POLE: variants seen among roughly 807,000 people sequenced by gnomAD.
POLE encodes the protein DNA polymerase epsilon catalytic subunit A.
POLE carries 188 observed loss-of-function variants against 279.2 expected under a neutral mutation model. The ratio of observed to expected loss-of-function variants is 0.67; its 90% CI spans 0.60 to 0.76. The LOEUF (loss-of-function observed/expected upper bound fraction) is 0.76, where lower values mean the gene tolerates loss of function less well. Ranked by LOEUF, POLE falls within the 30% of genes least tolerant of loss-of-function variation. The pLI is 0.00. For synonymous variants in POLE, 1,214 were observed against 1,172.5 expected, an observed-to-expected ratio of 1.04 and a Z score of -0.72; for missense variants, 2,703 against 3,016.7, an observed-to-expected ratio of 0.90 and a Z score of 2.44.
chr12:132,661,391 G>T lies in POLE; in HGVS notation c.2864+136C>A. 9.4e-7 allele frequency: 1 copy of T among 1,064,110 alleles called. No homozygotes were observed. The highest frequency in any genetic ancestry group is 1.4e-6 in the Non-Finnish European group (1 of 729,960). 65.9% of individuals were successfully genotyped at this position (1,064,110 alleles called of 1,614,324 possible). The stretch of plus-strand genomic sequence containing the variant: ...CAGCAGGCGGGCAGACAGAGCTGGT[G>T]CAAACGGAATCAGTAAGATCACAAG... On this transcript the variant is annotated intron_variant, in intron 24 of 48. Transcript: ENST00000320574. The surrounding 1 kb of genome is among the most constrained non-coding windows in gnomAD (Gnocchi z 4.1).
intron 6 of POLE, among the ~76,000 whole-genome samples, chr12:132,677,930 C>T (rs1294556856): frequency 2.6e-5 from 4 of 152,138 alleles, no homozygotes; most frequent in Non-Finnish European, 5.9e-5. Flanking sequence ...GTAATCCCAG[C>T]ACTTTGGGAG....
At chr12:132,672,373 G>A (rs1197140740) in intron 15 of POLE, 51 bp from the exon 16 acceptor site, 1 of 1,445,950 alleles carries the variant, frequency 6.9e-7, no homozygotes, top group East Asian at 2.3e-5. Context: ...ACCCACACTA[G>A]CCTGCCTCAG....
In POLE at chr12:132,639,199, C is replaced by A. The variant is rs537648186; in HGVS notation, c.5478G>T (p.Arg1826=). ...NQVMHFYRWL[R]SPSSLLHDPA... ...GGTCATGAAGCAGAGAGGATGGCGA[C>A]CGAAGCCAGCGGTAGAAGTGCATCA... Residue 1826 remains arginine (R), a synonymous_variant, in exon 40 of 49, where the codon CGG becomes CGT. Coordinates refer to ENST00000320574, the MANE Select transcript of POLE (RefSeq NM_006231.4). This position sits in a 1 kb window ranked among gnomAD's most constrained non-coding sequence, Gnocchi z 4.7. The A allele has an allele frequency of 5.0e-4, 806 of 1,614,062 alleles. 15 individuals carry two copies. In the South Asian group the frequency reaches 8.3e-3, roughly 17 times the overall value.
At chr12:132,648,894 A>G (rs2138595262) in intron 32 of POLE, 35 bp downstream of exon 32, 1 of 1,588,892 alleles carries the variant, frequency 6.3e-7, no homozygotes, top group Non-Finnish European at 8.6e-7. Flanking sequence ...CAGGCTGCCC[A>G]GATGACTGCA....
Position 132,637,668 on chromosome 12 carries a change from G to A in POLE, c.5678+346C>T, listed in dbSNP as rs556092231. Among the ~76,000 whole-genome samples, 6 of 152,308 alleles carry A rather than the reference G, an allele frequency of 3.9e-5. No homozygotes were observed. The South Asian group carries it at 8.3e-4, about 21-fold the overall frequency. ...TGACGTCTATGAAAAGGCTTACAAC[G>A]TCAACACTTACGGGGTGCATATATT... On this transcript the variant is annotated intron_variant, in intron 41 of 48. Coordinates refer to ENST00000320574, the MANE Select transcript of POLE (RefSeq NM_006231.4).
At position 132,677,436 on chromosome 12, in the gene POLE, C is replaced by T. The variant is rs1269984684; in HGVS notation, c.728G>A (p.Trp243Ter). The stretch of plus-strand genomic sequence containing the variant: ...ATTTCCTCGGTATCTGACATTGTAC[C>T]AATGAGCCTGCAAAACACACAGTGT... ...SIDLKIHVAH[W>*]YNVRYRGNAF... Residue 243 changes from tryptophan to a stop codon, truncating the protein, a stop_gained, in exon 8 of 49, where the codon TGG (tryptophan) becomes TAG (stop). Coordinates refer to ENST00000320574, the MANE Select transcript of POLE (RefSeq NM_006231.4). LOFTEE classifies it high-confidence loss of function. 1 of 1,613,846 alleles carries T rather than the reference C, an allele frequency of 6.2e-7. No homozygotes were observed. Among genetic ancestry groups the T allele is most frequent in the Admixed American group, 1.7e-5 (1 of 60,018 alleles).
Position 132,679,648 on chromosome 12 carries a change from T to A in POLE, c.427A>T (p.Asn143Tyr), listed in dbSNP as rs889470853. 2 of 1,608,660 alleles carry A rather than the reference T, an allele frequency of 1.2e-6. No homozygotes were observed. The highest frequency in any genetic ancestry group is 1.7e-6 in the Non-Finnish European group (2 of 1,175,432). The change falls in exon 6 of 49, where the codon AAT (asparagine) becomes TAT (tyrosine). Residue 143 changes from asparagine to tyrosine, a missense_variant. Transcript: ENST00000320574. ...TVPKEDLDLP[N>Y]HLVGLKRNYI... ...TTTCGCTTCAAACCCACCAAGTGAT[T>A]TGGCTATAATGCGAAGAGATCACGC...
rs879254218 is a variant in POLE, at chr12:132,676,632, C to A, written c.823G>T (p.Asp275Tyr). ...ERPDPVVLAF[D>Y]IETTKLPLKF... ...AGGGGCAGTTTGGTCGTCTCAATGT[C>A]AAATGCCAAAACCACAGGGTCCTGT... The change falls in exon 9 of 49, where the codon GAC becomes TAC. Residue 275 changes from aspartate (D) to tyrosine (Y), a missense_variant. Physicochemically the swap from Asp to Tyr is radical, Grantham distance 160. This residue lies in a region of POLE where 1,011 missense variants were observed against 1,111.7 expected (regional missense o/e 0.91). Coordinates refer to ENST00000320574, the MANE Select transcript of POLE (RefSeq NM_006231.4). 6.2e-7 allele frequency: 1 copy of A among 1,613,198 alleles called. No homozygotes were observed. Among genetic ancestry groups the A allele is most frequent in the South Asian group, 1.1e-5 (1 of 91,038 alleles).
In POLE at chr12:132,657,434, A is replaced by G. The variant is rs5744886; in HGVS notation, c.3379-5T>C. ...GTAGTAGTCCCAATCCAGAATCTGCATGTGCAGGAAACGGGCACAGAGAAC... is the reference window on the plus strand; with the variant it reads ...GTAGTAGTCCCAATCCAGAATCTGCGTGTGCAGGAAACGGGCACAGAGAAC... On this transcript the variant is annotated splice_polypyrimidine_tract_variant and splice_region_variant and intron_variant, in intron 27 of 48. Transcript: ENST00000320574. The G allele has an allele frequency of 0.027, 43,015 of 1,613,706 alleles. 1,214 individuals are homozygous for G. Among genetic ancestry groups the G allele is most frequent in the Admixed American group, 0.14 (8,648 of 59,988 alleles).
intron 29 of POLE, among the ~76,000 whole-genome samples, chr12:132,651,643 G>A (rs1238152041): frequency 6.6e-6 from 1 of 152,198 alleles, no homozygotes; most frequent in African/African-American, 2.4e-5. Context: ...GGTGGGACCC[G>A]GTGACTTGCC....
chr12:132,644,037 C>G (rs2138563770), intron 32 of POLE, 60 bp from the exon 33 acceptor site: 1 of 1,555,196 alleles, frequency 6.4e-7, no homozygotes, highest in Non-Finnish European at 8.7e-7. Flanking sequence ...CTGTGGTACA[C>G]ACACAAAGCA....
rs1555227421 is a variant in POLE, at chr12:132,668,910, G to A, written c.1824C>T (p.Ala608=). 3 of 1,614,130 alleles carry A rather than the reference G, an allele frequency of 1.9e-6. No homozygotes were observed. Among genetic ancestry groups the A allele is most frequent in the African/African-American group, 2.7e-5 (2 of 75,024 alleles). The change falls in exon 17 of 49, where the codon GCC becomes GCT. Residue 608 remains alanine, a synonymous_variant. Coordinates refer to ENST00000320574, the MANE Select transcript of POLE (RefSeq NM_006231.4). This position sits in a 1 kb window ranked among gnomAD's most constrained non-coding sequence, Gnocchi z 4.0. ...TGCGGCTGGGAACGTCCTTCAGGGA[G>A]GCAAGCTTGCTCTTAATCTCATCAC... is the stretch of plus-strand genomic sequence containing the variant. The part of the protein sequence containing the change: ...EVCDEIKSKL[A]SLKDVPSRIE...
At chr12:132,656,647 C>G (rs147827434) in intron 29 of POLE, among the ~76,000 whole-genome samples, 1 of 152,146 alleles carries the variant, frequency 6.6e-6, no homozygotes, top group African/African-American at 2.4e-5. Context: ...TGTGAGCCAC[C>G]GCACCTGGTC....
rs1593732512 is a variant in POLE, at chr12:132,642,933, C to T, written c.4615G>A (p.Glu1539Lys). Residue 1539 changes from glutamate (E) to lysine (K), a missense_variant, in exon 36 of 49, where the codon GAG (glutamate) becomes AAG (lysine). Glu to Lys is a moderately conservative substitution (Grantham distance 56). Transcript: ENST00000320574. Reference sequence around the variant, plus strand: ...GGCAGGAGCTCAGGGCCCACCTTCTCCAGGAGGAGGCCGTGCTCTGCTGAG... The same window carrying T: ...GGCAGGAGCTCAGGGCCCACCTTCTTCAGGAGGAGGCCGTGCTCTGCTGAG... Reference protein sequence around the residue: ...LYSAEHGLLLEKVGPELLPPP... With the variant: ...LYSAEHGLLLKKVGPELLPPP... The T allele has an allele frequency of 1.2e-6, 2 of 1,612,320 alleles. No individual in the cohort carries two copies. The highest frequency in any genetic ancestry group is 1.7e-6 in the Non-Finnish European group (2 of 1,179,494).
intron 32 of POLE, among the ~76,000 whole-genome samples, chr12:132,647,989 G>A (rs1362782645): frequency 1.3e-5 from 2 of 152,068 alleles, no homozygotes; most frequent in Non-Finnish European, 2.9e-5. Context: ...CCTTGTGTAG[G>A]TACAAATATG....
chr12:132,641,960 C>T (rs1254441572), intron 38 of POLE, 109 bp from the exon 39 acceptor site: 2 of 1,089,488 alleles, frequency 1.8e-6, no homozygotes, highest in Admixed American at 1.9e-5. Context: ...AACAGACCTG[C>T]CCACACCCAT....
intron 38 of POLE, 63 bp downstream of exon 38, chr12:132,642,114 G>A: frequency 7.4e-7 from 1 of 1,347,370 alleles, no homozygotes; most frequent in African/African-American, 1.5e-5. Context: ...GCCTTGAGAA[G>A]ATGTCACAGA....
chr12:132,639,416 A>C lies in POLE; in HGVS notation c.5379-118T>G. The C allele has an allele frequency of 1.2e-6, 1 of 869,002 alleles. No homozygotes were observed. The highest frequency in any genetic ancestry group is 1.8e-6 in the Non-Finnish European group (1 of 560,618). The allele number at this position is 869,002 out of a possible 1,614,324, so 53.8% of individuals were successfully genotyped here. ...CTACACGGCTGGGTCCAAATCCGTC[A>C]CTGTCGCCTCCCCTTCTCACTGTCC... On this transcript the variant is annotated intron_variant, in intron 39 of 48. Transcript: ENST00000320574. The surrounding 1 kb of genome is among the most constrained non-coding windows in gnomAD (Gnocchi z 4.7).
intron 32 of POLE, 83 bp downstream of exon 32, chr12:132,648,846 G>C: frequency 7.0e-7 from 1 of 1,421,726 alleles, no homozygotes; most frequent in Non-Finnish European, 9.6e-7. Context: ...TGAGGAGATG[G>C]AGGCTGGAGG....
Sources: allele counts gnomAD v4.1 joint callset (sites outside exome capture counted in the v4.1 genomes callset), GRCh38; gene constraint gnomAD v4.1.1; regional missense constraint gnomAD v4.1.1; non-coding constraint Gnocchi (gnomAD v3.1); transcripts MANE v1.5; gene names NCBI Gene and HGNC (gene_info 2026-07-23, HGNC 2026-07-21).